ANKRD30B: variants seen among roughly 807,000 people sequenced by gnomAD.
ANKRD30B encodes ankyrin repeat domain-containing protein 30B.
Under a neutral mutation model 202.2 loss-of-function variants are expected in ANKRD30B, and 144 were observed. The observed-to-expected ratio is 0.71, with a 90% CI of 0.62 to 0.82. The LOEUF (loss-of-function observed/expected upper bound fraction) is 0.82, where lower values mean the gene tolerates loss of function less well. ANKRD30B is among the 40% of genes least tolerant of loss of function. The pLI, the probability that ANKRD30B is intolerant of heterozygous loss-of-function variation, is 0.00. For missense variants in ANKRD30B, 1,487 were observed against 1,669.1 expected (o/e 0.89, Z 1.90); for synonymous variants, 508 against 561.3 (o/e 0.91, Z 1.34).
intron 1 of ANKRD30B, among the ~76,000 whole-genome samples, chr18:14,750,788 G>C (rs1913304378): frequency 6.6e-6 from 1 of 152,156 alleles, no homozygotes; most frequent in South Asian, 2.1e-4. Flanking sequence ...ATGTATTTTG[G>C]TGTACCAAGT....
At chr18:14,775,337 A>C (rs1214586755) in intron 9 of ANKRD30B, among the ~76,000 whole-genome samples, 1 of 152,202 alleles carries the variant, frequency 6.6e-6, no homozygotes, top group Non-Finnish European at 1.5e-5. Context: ...CTAAAAACTA[A>C]ATAATTTCTC....
chr18:14,858,766 A>G (rs1466379690), downstream of ANKRD30B, among the ~76,000 whole-genome samples: 13 of 101,102 alleles, frequency 1.3e-4, no homozygotes, highest in East Asian at 3.1e-4. Context: ...CAGGGGGGGC[A>G]GCCAGGCAGA....
intron 9 of ANKRD30B, among the ~76,000 whole-genome samples, chr18:14,772,626 G>A (rs1267551190): frequency 6.6e-6 from 1 of 150,650 alleles, no homozygotes; most frequent in Non-Finnish European, 1.5e-5. Flanking sequence ...AATTTGTCTT[G>A]ATGGACCCAG....
Position 14,752,626 on chromosome 18 carries a change from C to T in ANKRD30B, c.282C>T (p.Asp94=), listed in dbSNP as rs536178576. 25 of 1,611,288 alleles carry T rather than the reference C, an allele frequency of 1.6e-5. No homozygotes were observed. Among genetic ancestry groups the T allele is most frequent in the Admixed American group, 6.7e-5 (4 of 59,688 alleles). Residue 94 remains aspartate, a synonymous_variant, in exon 2 of 44, where the codon GAC becomes GAT. Coordinates refer to ENST00000690538, the MANE Select transcript of ANKRD30B (RefSeq NM_001367607.2). ...GHAEVVTFLV[D]RKCQLNVLDG... Reference sequence around the variant, plus strand: ...CAGAAGTAGTAACATTTCTGGTAGACAGAAAGTGCCAGCTTAATGTCCTTG... The same window carrying T: ...CAGAAGTAGTAACATTTCTGGTAGATAGAAAGTGCCAGCTTAATGTCCTTG...
rs1437359616 is a variant in ANKRD30B at position 14,851,902 on chromosome 18, C to T, written c.3958C>T (p.Leu1320Phe). ...TGTCACATCAAGAAAAAACCAAGAA[C>T]TTGCTTTCCACAGTGCAGGAGATGC... is the stretch of plus-strand genomic sequence containing the variant. Reference protein sequence around the residue: ...QSVTSRKNQELAFHSAGDAPL... With the variant: ...QSVTSRKNQEFAFHSAGDAPL... Residue 1320 changes from leucine (L) to phenylalanine (F), a missense_variant, in exon 42 of 44, where the codon CTT becomes TTT. Transcript: ENST00000690538. 4.4e-6 allele frequency: 7 copies of T among 1,596,952 alleles called. No homozygotes were observed. Among genetic ancestry groups the T allele is most frequent in the East Asian group, 2.3e-5 (1 of 43,944 alleles).
rs1968498715 is a variant in ANKRD30B, at chr18:14,791,432, T to C, written c.1766T>C (p.Val589Ala). The part of the protein sequence containing the change: ...SPCETVSQKD[V>A]YLPKATHQKE... ...TGTGAGACGGTTTCACAGAAGGATGTGTATTTACCCAAAGCTACACATCAA... is the reference window on the plus strand; with the variant it reads ...TGTGAGACGGTTTCACAGAAGGATGCGTATTTACCCAAAGCTACACATCAA... Residue 589 changes from valine (V) to alanine (A), a missense_variant, in exon 16 of 44, where the codon GTG becomes GCG. Physicochemically the swap from Val to Ala is moderately conservative, Grantham distance 64. Transcript: ENST00000690538. The C allele has an allele frequency of 6.2e-7, 1 of 1,610,960 alleles. No homozygotes were observed. Among genetic ancestry groups the C allele is most frequent in the Non-Finnish European group, 8.5e-7 (1 of 1,178,916 alleles).
In ANKRD30B at chr18:14,820,082, C is replaced by T. The variant is rs1466516357; in HGVS notation, c.2642-2401C>T. Among the ~76,000 whole-genome samples, 29 of 152,210 alleles carry T rather than the reference C, an allele frequency of 1.9e-4. No homozygotes were observed. In the South Asian group the frequency reaches 3.7e-3, roughly 20 times the overall value. On this transcript the variant is annotated intron_variant, in intron 30 of 43. Coordinates refer to ENST00000690538, the MANE Select transcript of ANKRD30B (RefSeq NM_001367607.2). ...CTCCTTGAAGAGGTCCTTCACATCC[C>T]TTGTAAGTTGGATTCCTATTTATTT... is the stretch of plus-strand genomic sequence containing the variant.
intron 12 of ANKRD30B, 70 bp downstream of exon 12, chr18:14,782,684 C>G (rs1736860798): frequency 1.1e-6 from 1 of 939,844 alleles, no homozygotes; most frequent in Non-Finnish European, 1.5e-6. Context: ...GACTGAAATA[C>G]TCTAATAGCC....
chr18:14,798,137 T>C (rs34477667), intron 20 of ANKRD30B, among the ~76,000 whole-genome samples: 1 of 150,756 alleles, frequency 6.6e-6, no homozygotes, highest in African/African-American at 2.4e-5. Context: ...GGTTGAGAAA[T>C]AATAGACACA....
At chr18:14,760,639 C>A in intron 6 of ANKRD30B, 21 bp downstream of exon 6, 1 of 1,493,840 alleles carries the variant, frequency 6.7e-7, no homozygotes, top group Non-Finnish European at 9.0e-7. Flanking sequence ...GGATAGCAAA[C>A]TACTCTTGAT....
intron 23 of ANKRD30B, among the ~76,000 whole-genome samples, chr18:14,803,368 GTGTATTGT>G (rs1444708527): frequency 9.8e-6 from 1 of 102,120 alleles, no homozygotes; most frequent in Non-Finnish European, 2.0e-5. Context: ...CTAGTAGCAA[GTGTATTGT>G]ATTTTGTTTG....
the ANKRD30B span, among the ~76,000 whole-genome samples, chr18:14,898,435 G>A: frequency 6.6e-6 from 1 of 152,072 alleles, no homozygotes; most frequent in South Asian, 2.1e-4. Flanking sequence ...TAATGCCACA[G>A]CTAATCTGAC....
intron 34 of ANKRD30B, among the ~76,000 whole-genome samples, chr18:14,835,406 T>C (rs1971128880): frequency 6.6e-6 from 1 of 151,490 alleles, no homozygotes. Flanking sequence ...GAAGAATACT[T>C]TTTACACTTA....
the ANKRD30B span, among the ~76,000 whole-genome samples, chr18:14,867,401 C>T: frequency 2.0e-5 from 3 of 151,834 alleles, no homozygotes; most frequent in South Asian, 6.2e-4. Flanking sequence ...GTGGTGGCCT[C>T]TGAGGAAGGG....
At chr18:14,793,005 C>G (rs973841193) in intron 16 of ANKRD30B, among the ~76,000 whole-genome samples, 5 of 152,004 alleles carry the variant, frequency 3.3e-5, no homozygotes, top group Admixed American at 2.6e-4. Context: ...TATTTAATGT[C>G]TGTTGCAACT....
intron 20 of ANKRD30B, among the ~76,000 whole-genome samples, chr18:14,798,426 A>G (rs1969072152): frequency 6.6e-6 from 1 of 152,126 alleles, no homozygotes; most frequent in Non-Finnish European, 1.5e-5. Context: ...AAAAAGAAAC[A>G]CAGTCTTTCC....
At chr18:14,832,257 A>G (rs948163138) in intron 34 of ANKRD30B, among the ~76,000 whole-genome samples, 6 of 152,188 alleles carry the variant, frequency 3.9e-5, no homozygotes, top group Non-Finnish European at 5.9e-5. Flanking sequence ...AATCTGTATT[A>G]TTAAGGCATG....
At chr18:14,921,190 G>C in the ANKRD30B span, among the ~76,000 whole-genome samples, 2 of 151,870 alleles carry the variant, frequency 1.3e-5, no homozygotes. Flanking sequence ...GTTGTGGTGG[G>C]TGGAGAGGGC....
At chr18:14,932,358 A>G in the ANKRD30B span, among the ~76,000 whole-genome samples, 3 of 151,462 alleles carry the variant, frequency 2.0e-5, no homozygotes, top group Non-Finnish European at 4.4e-5. Flanking sequence ...TGTTTTTGAG[A>G]CGGAGTCTCA....
Sources: allele counts gnomAD v4.1 joint callset (sites outside exome capture counted in the v4.1 genomes callset), GRCh38; gene constraint gnomAD v4.1.1; transcripts MANE v1.5; gene names NCBI Gene and HGNC (gene_info 2026-07-23, HGNC 2026-07-21).